The following CDC14B variants were observed in gnomAD, a reference collection of about 807,000 sequenced individuals.
CDC14B encodes the protein dual specificity protein phosphatase CDC14B.
CDC14B carries 22 observed loss-of-function variants against 64.2 expected under a neutral mutation model. The observed-to-expected ratio is 0.34, with a 90% CI of 0.24 to 0.49. The LOEUF is 0.49. CDC14B is among the 20% of genes least tolerant of loss of function. The pLI, the probability that CDC14B is intolerant of heterozygous loss-of-function variation, is 0.99. For missense variants in CDC14B, 498 were observed against 629.9 expected, an observed-to-expected ratio of 0.79 and a Z score of 2.24; for synonymous variants, 191 against 215.8, an observed-to-expected ratio of 0.89 and a Z score of 1.01.
chr9:96,491,593 T>G (rs1197001149), exon 14 of CDC14B: 1 of 152,234 alleles, frequency 6.6e-6, no homozygotes, highest in Non-Finnish European at 1.5e-5. Flanking sequence ...CGGTACAACA[T>G]CAGGGCTGTG....
chr9:96,542,490 G>A (rs1016591970), intron 5 of CDC14B, among the ~76,000 whole-genome samples: 5 of 151,802 alleles, frequency 3.3e-5, no homozygotes, highest in African/African-American at 1.2e-4. Context: ...GGTAACTTCT[G>A]GGTTTTTTTT....
chr9:96,537,879 C>T (rs1043998319), intron 7 of CDC14B, among the ~76,000 whole-genome samples: 25 of 152,036 alleles, frequency 1.6e-4, no homozygotes, highest in African/African-American at 5.3e-4. Flanking sequence ...CCCACCACCA[C>T]GCCTGGCTAA....
At chr9:96,523,759 G>A in intron 9 of CDC14B, 34 bp from the exon 10 acceptor site, 2 of 1,600,190 alleles carry the variant, frequency 1.2e-6, no homozygotes. Flanking sequence ...AATGAAACTT[G>A]GGCTGATGTA....
intron 1 of CDC14B, among the ~76,000 whole-genome samples, chr9:96,617,108 AT>A (rs11336438): frequency 0.65 from 95,182 of 147,404 alleles, 32,018 homozygotes; most frequent in East Asian, 0.95. Flanking sequence ...ATCTGATAGG[AT>A]TTTTTTTTTT....
intron 3 of CDC14B, 27 bp from the exon 4 acceptor site, chr9:96,562,812 A>G (rs756794404): frequency 3.5e-6 from 5 of 1,409,088 alleles, no homozygotes; most frequent in Non-Finnish European, 5.0e-6. Flanking sequence ...AACTGTTAGC[A>G]TTTTCTTTTT....
intron 1 of CDC14B, among the ~76,000 whole-genome samples, chr9:96,569,213 G>A (rs1844330768): frequency 6.6e-6 from 1 of 152,146 alleles, no homozygotes. Flanking sequence ...GGCTAACAGT[G>A]TTTTTCCAAA....
intron 13 of CDC14B, among the ~76,000 whole-genome samples, chr9:96,508,581 C>T (rs1435147292): frequency 6.6e-6 from 1 of 152,144 alleles, no homozygotes; most frequent in Non-Finnish European, 1.5e-5. Context: ...AATTTTAAAT[C>T]CTGGAATCAT....
chr9:96,608,125 C>T (rs1011835842), intron 1 of CDC14B, among the ~76,000 whole-genome samples: 2 of 152,204 alleles, frequency 1.3e-5, no homozygotes, highest in African/African-American at 4.8e-5. Flanking sequence ...GTGTCAATTC[C>T]CAGACGTCAG....
chr9:96,531,229 T>G (rs1421257768), intron 9 of CDC14B, among the ~76,000 whole-genome samples: 2 of 152,234 alleles, frequency 1.3e-5, no homozygotes, highest in African/African-American at 4.8e-5. Context: ...TTTAGTTTTT[T>G]AAGTGTTTGG....
At chr9:96,521,940 C>T (rs187917258) in intron 12 of CDC14B, among the ~76,000 whole-genome samples, 1 of 152,322 alleles carries the variant, frequency 6.6e-6, no homozygotes, top group Admixed American at 6.5e-5. Context: ...CCAACTAACA[C>T]ACATTCACAA....
intron 12 of CDC14B, among the ~76,000 whole-genome samples, chr9:96,516,528 G>A (rs929822977): frequency 3.7e-4 from 56 of 151,908 alleles, no homozygotes; most frequent in African/African-American, 1.2e-3. Flanking sequence ...CACCCAGCCC[G>A]GAGTGCAATG....
chr9:96,558,213 T>C (rs1842736833), intron 4 of CDC14B, among the ~76,000 whole-genome samples: 1 of 152,200 alleles, frequency 6.6e-6, no homozygotes, highest in Non-Finnish European at 1.5e-5. Context: ...ACAGTTAGAA[T>C]GAACAAGTTC....
At chr9:96,539,301 C>T (rs1334657819) in intron 6 of CDC14B, among the ~76,000 whole-genome samples, 161 bp from the exon 7 acceptor site, 2 of 152,130 alleles carry the variant, frequency 1.3e-5, no homozygotes, top group Non-Finnish European at 2.9e-5. Context: ...GCGGCGTCTT[C>T]TAAGTGCTTC....
intron 1 of CDC14B, chr9:96,567,148 C>A: frequency 2.2e-6 from 1 of 447,516 alleles, no homozygotes; most frequent in Non-Finnish European, 4.0e-6. Context: ...AGGGCTCCTC[C>A]AGTGCCCAAA....
At position 96,502,679 on chromosome 9, in the gene CDC14B, G is replaced by A. The variant is rs772606320; in HGVS notation, c.*1074C>T. 2 of 389,498 alleles carry A rather than the reference G, an allele frequency of 5.1e-6. No individual in the cohort carries two copies. Among genetic ancestry groups the A allele is most frequent in the East Asian group, 3.6e-5 (1 of 27,594 alleles). 24.1% of individuals were successfully genotyped at this position (389,498 alleles called of 1,614,324 possible). ...GACTCTGCTGTGTTCCAGTAGGGCTGCGGGAGAAGGCACTCTGCAGAGTTA... is the reference window on the plus strand; with the variant it reads ...GACTCTGCTGTGTTCCAGTAGGGCTACGGGAGAAGGCACTCTGCAGAGTTA... On this transcript the variant is annotated 3_prime_UTR_variant, in exon 14 of 14. Transcript: ENST00000375241.
At chr9:96,544,830 T>C (rs1378031134) in intron 5 of CDC14B, among the ~76,000 whole-genome samples, 1 of 152,172 alleles carries the variant, frequency 6.6e-6, no homozygotes, top group Non-Finnish European at 1.5e-5. Context: ...ATTTTTGTTC[T>C]GTAAGGTTCT....
chr9:96,567,608 T>C (rs1270288505), intron 1 of CDC14B, among the ~76,000 whole-genome samples: 1 of 152,228 alleles, frequency 6.6e-6, no homozygotes, highest in African/African-American at 2.4e-5. Context: ...ACAAAAATGT[T>C]GACACCCTTT....
At chr9:96,599,400 G>A (rs1846284603) in intron 1 of CDC14B, among the ~76,000 whole-genome samples, 1 of 151,494 alleles carries the variant, frequency 6.6e-6, no homozygotes, top group Non-Finnish European at 1.5e-5. Flanking sequence ...AAAAGGAGAA[G>A]AAGTACTCAA....
At chr9:96,495,516 G>A (rs1266079822), downstream of CDC14B, among the ~76,000 whole-genome samples, 1 of 152,040 alleles carries the variant, frequency 6.6e-6, no homozygotes, top group Non-Finnish European at 1.5e-5. Context: ...ATGGATACTG[G>A]CCACGGGTCT....
Sources: allele counts gnomAD v4.1 joint callset (sites outside exome capture counted in the v4.1 genomes callset), GRCh38; gene constraint gnomAD v4.1.1; transcripts MANE v1.5; gene names NCBI Gene and HGNC (gene_info 2026-07-23, HGNC 2026-07-21).